Variants in SHANK2 observed in about 807,000 individuals in gnomAD.
SHANK2 encodes SH3 and multiple ankyrin repeat domains 2.
SHANK2 carries 43 observed loss-of-function variants against 133.7 expected under a neutral mutation model. The ratio of observed to expected loss-of-function variants is 0.32; its 90% CI spans 0.25 to 0.41. The LOEUF is 0.41. SHANK2 is among the 10% of genes least tolerant of loss of function. The pLI, the probability that SHANK2 is intolerant of heterozygous loss-of-function variation, is 1.00. For missense variants in SHANK2, 1,994 were observed against 2,235.8 expected, an observed-to-expected ratio of 0.89 and a Z score of 2.18; for synonymous variants, 1,017 against 952.8, an observed-to-expected ratio of 1.07 and a Z score of -1.24.
At chr11:70,502,098 G>T in intron 19 of SHANK2, 108 bp downstream of exon 19, 4 of 1,342,390 alleles carry the variant, frequency 3.0e-6, no homozygotes, top group Middle Eastern at 2.0e-4. Context: ...AGGGGCAGGA[G>T]GGGGGTAGCG....
At chr11:70,924,246 T>C (rs1196650229) in intron 10 of SHANK2, among the ~76,000 whole-genome samples, 2 of 152,002 alleles carry the variant, frequency 1.3e-5, no homozygotes, top group Middle Eastern at 3.2e-3. Context: ...CCTGCCATAT[T>C]GAGGACATGC....
chr11:70,553,083 G>A (rs782135736), intron 17 of SHANK2, among the ~76,000 whole-genome samples: 13 of 152,002 alleles, frequency 8.6e-5, no homozygotes, highest in Non-Finnish European at 1.5e-4. Flanking sequence ...GGCCTCATTT[G>A]ACTTTAATAA....
At chr11:70,780,962 G>A (rs965755269) in intron 14 of SHANK2, among the ~76,000 whole-genome samples, 2 of 152,110 alleles carry the variant, frequency 1.3e-5, no homozygotes, top group African/African-American at 2.4e-5. Flanking sequence ...CCTCTTAACA[G>A]TGACCTACAC....
rs929640413 is a variant in SHANK2, at chr11:70,665,315, T to A, written c.1854-3637A>T. Among the ~76,000 whole-genome samples, 5 of 152,024 alleles carry A rather than the reference T, an allele frequency of 3.3e-5. No individual in the cohort carries two copies. The South Asian group carries it at 8.3e-4, about 25-fold the overall frequency. On this transcript the variant is annotated intron_variant, in intron 15 of 25. Coordinates refer to ENST00000601538, the MANE Select transcript of SHANK2 (RefSeq NM_012309.5). ...ACCACCATGCCCAGCTAATTTTTAA[T>A]TTTTTTGTAGAGACAGGGTCTCACT...
chr11:71,148,762 G>T (rs1411761585), intron 2 of SHANK2, among the ~76,000 whole-genome samples: 1 of 152,198 alleles, frequency 6.6e-6, no homozygotes, highest in Non-Finnish European at 1.5e-5. Flanking sequence ...ACATGTGGAT[G>T]ATCCCTGAAA....
chr11:70,753,758 C>T (rs1555037978), intron 14 of SHANK2, among the ~76,000 whole-genome samples: 1 of 144,166 alleles, frequency 6.9e-6, no homozygotes, highest in Non-Finnish European at 1.5e-5. Context: ...TTGCAAACTT[C>T]CAGAACTCAC....
At chr11:71,097,685 G>A (rs782784656) in intron 6 of SHANK2, among the ~76,000 whole-genome samples, 2 of 152,108 alleles carry the variant, frequency 1.3e-5, no homozygotes, top group Admixed American at 1.3e-4. Context: ...TCCCGGAAGC[G>A]CAGCAGGAGG....
intron 8 of SHANK2, among the ~76,000 whole-genome samples, chr11:71,080,506 G>A (rs1205661275): frequency 6.6e-6 from 1 of 152,214 alleles, no homozygotes. Flanking sequence ...AGCAACCAGA[G>A]CAGCGGGGAG....
chr11:70,655,839 C>T (rs2061399200), intron 17 of SHANK2, among the ~76,000 whole-genome samples: 1 of 152,138 alleles, frequency 6.6e-6, no homozygotes, highest in South Asian at 2.1e-4. Context: ...TGGGTCATCA[C>T]CTTGCCTGCC....
chr11:70,895,386 C>T (rs1190348170), intron 11 of SHANK2: 2 of 152,628 alleles, frequency 1.3e-5, no homozygotes, highest in African/African-American at 2.4e-5. Context: ...ATGCCATCTT[C>T]GAAAGCTCAC....
chr11:70,632,049 G>A (rs2060998328), intron 17 of SHANK2: 1 of 152,220 alleles, frequency 6.6e-6, no homozygotes, highest in Non-Finnish European at 1.5e-5. Flanking sequence ...CTCTGTTCTG[G>A]GAAACGCTTC....
At chr11:70,509,361 G>A (rs544180453) in intron 17 of SHANK2, among the ~76,000 whole-genome samples, 6 of 152,346 alleles carry the variant, frequency 3.9e-5, no homozygotes, top group Non-Finnish European at 5.9e-5. Flanking sequence ...TTGGTCCCAC[G>A]ACCTCCCCCA....
intron 17 of SHANK2, among the ~76,000 whole-genome samples, chr11:70,639,378 C>G (rs1203401332): frequency 6.6e-6 from 1 of 152,038 alleles, no homozygotes; most frequent in African/African-American, 2.4e-5. Context: ...GGGCCCCTGT[C>G]CTGGTTTCTT....
chr11:70,592,970 G>A (rs186955926), intron 17 of SHANK2, among the ~76,000 whole-genome samples: 69 of 152,248 alleles, frequency 4.5e-4, no homozygotes, highest in Admixed American at 3.1e-3. Flanking sequence ...GCAAACCCTC[G>A]CCGAAAGGAG....
intron 17 of SHANK2, among the ~76,000 whole-genome samples, chr11:70,598,601 A>G (rs1156258088): frequency 3.3e-5 from 5 of 152,220 alleles, no homozygotes; most frequent in African/African-American, 1.2e-4. Context: ...CCGGTTGGAA[A>G]AGAATGGCCT....
chr11:70,784,444 C>T (rs1283998347), intron 14 of SHANK2, among the ~76,000 whole-genome samples: 1 of 137,070 alleles, frequency 7.3e-6, no homozygotes, highest in African/African-American at 2.7e-5. Context: ...GCAACCTCTG[C>T]CTCCTGGGTT....
At chr11:71,180,513 CAAG>C (rs1481586650) in intron 2 of SHANK2, among the ~76,000 whole-genome samples, 1 of 151,804 alleles carries the variant, frequency 6.6e-6, no homozygotes, top group Non-Finnish European at 1.5e-5. Context: ...GCGCTTTGTA[CAAG>C]AAGTCGACAG....
intron 17 of SHANK2, among the ~76,000 whole-genome samples, chr11:70,517,683 T>C (rs1554970359): frequency 2.6e-5 from 4 of 152,112 alleles, no homozygotes; most frequent in Non-Finnish European, 5.9e-5. Flanking sequence ...GGTAAAAAGA[T>C]CAGTGGTTGC....
intron 2 of SHANK2, among the ~76,000 whole-genome samples, chr11:71,213,100 C>A (rs1954318786): frequency 6.6e-6 from 1 of 152,104 alleles, no homozygotes; most frequent in Non-Finnish European, 1.5e-5. Context: ...AGGACTGCTG[C>A]TGCCACCCAG....
Sources: gnomAD v4.1 joint callset for allele counts (sites outside exome capture counted in the v4.1 genomes callset) on GRCh38, gnomAD v4.1.1 for gene constraint, MANE v1.5 for transcripts, NCBI Gene and HGNC (gene_info 2026-07-23, HGNC 2026-07-21) for gene names.